PRPF31: variants seen among roughly 807,000 people sequenced by gnomAD.
The protein encoded by PRPF31 is pre-mRNA processing factor 31.
In PRPF31, 12 loss-of-function variants were observed where a neutral mutation model predicts 60.4. The observed-to-expected ratio is 0.20, with a 90% CI of 0.13 to 0.32. The LOEUF (loss-of-function observed/expected upper bound fraction) is 0.32, where lower values mean the gene tolerates loss of function less well. PRPF31 is among the 10% of genes least tolerant of loss of function. The pLI is 1.00. For synonymous variants in PRPF31, 287 were observed against 287.9 expected, an observed-to-expected ratio of 1.00 and a Z score of 0.03; for missense variants, 431 against 687.1, an observed-to-expected ratio of 0.63 and a Z score of 4.17.
rs1321866903 is a variant in PRPF31 at position 54,124,376 on chromosome 19, G to C, written c.698-123G>C. On this transcript the variant is annotated intron_variant, in intron 7 of 13. Transcript: ENST00000321030. ...TCGCCCGCCTGGCAGGGCCATCGAG[G>C]AATCCAACCAGAACTTCATGTAAAG... 92 of 963,974 alleles carry C rather than the reference G, an allele frequency of 9.5e-5. 1 individual carries two copies. In the South Asian group the frequency reaches 1.3e-3, roughly 13 times the overall value. The allele number at this position is 963,974 out of a possible 1,614,324, so 59.7% of individuals were successfully genotyped here.
intron 13 of PRPF31, among the ~76,000 whole-genome samples, chr19:54,129,869 C>G (rs979488218): frequency 6.6e-6 from 1 of 151,938 alleles, no homozygotes; most frequent in African/African-American, 2.4e-5. Flanking sequence ...GCCTGCACCA[C>G]GGAGGCGAGA....
chr19:54,121,116 AC>A (rs1190157490), intron 3 of PRPF31, among the ~76,000 whole-genome samples: 1 of 151,656 alleles, frequency 6.6e-6, no homozygotes, highest in Admixed American at 6.6e-5. Flanking sequence ...ACATGGTGAA[AC>A]CCCGTCTCTA....
At chr19:54,118,673 T>TCTC (rs1164249932) in intron 3 of PRPF31, 40 bp downstream of exon 3, 8 of 1,604,496 alleles carry the variant, frequency 5.0e-6, no homozygotes, top group Non-Finnish European at 6.8e-6. Flanking sequence ...ATCTCCTGTC[T>TCTC]CTCCTGCCAG....
chr19:54,120,392 G>A (rs1396800254), intron 3 of PRPF31: 3 of 152,238 alleles, frequency 2.0e-5, no homozygotes, highest in African/African-American at 7.2e-5. Flanking sequence ...GTGCACAAGT[G>A]CTGCGGGTAC....
In PRPF31 at chr19:54,122,629, G is replaced by T. The variant is rs745763860; in HGVS notation, c.420+35G>T. On this transcript the variant is annotated intron_variant, in intron 5 of 13. Coordinates refer to ENST00000321030, the MANE Select transcript of PRPF31 (RefSeq NM_015629.4). ...GAGAAGGTGGGGTGCTTCTGCTGGC[G>T]TGAAGGGGCAGGCGGGGCTCACTCT... 2.4e-5 allele frequency: 38 copies of T among 1,553,250 alleles called. 1 individual carries two copies. The highest frequency in any genetic ancestry group is 6.7e-5 in the East Asian group (3 of 44,590).
chr19:54,128,678 C>T (rs1320820930), intron 11 of PRPF31, among the ~76,000 whole-genome samples: 1 of 152,112 alleles, frequency 6.6e-6, no homozygotes, highest in Non-Finnish European at 1.5e-5. Context: ...ACGGCCGCCC[C>T]GTCCCTGGGC....
intron 7 of PRPF31, 195 bp from the exon 8 acceptor site, chr19:54,124,304 C>T: frequency 1.5e-6 from 1 of 659,610 alleles, no homozygotes. Context: ...CAGCTGCCCT[C>T]CCTCTCTGAG....
In PRPF31 at chr19:54,131,647, CCTTGT is replaced by C. The variant is rs1486545180; in HGVS notation, c.*219_*223del. ...TGGGCTAGAGCAGGTCTTCATCATG[CCTTGT>C]CTTTTTTAACTGAGAAAGGAGATTT... On this transcript the variant is annotated 3_prime_UTR_variant, in exon 14 of 14. Transcript: ENST00000321030. The C allele has an allele frequency of 3.1e-6, 2 of 646,618 alleles. No homozygotes were observed. The highest frequency in any genetic ancestry group is 1.8e-5 in the African/African-American group (1 of 54,594). The allele number at this position is 646,618 out of a possible 1,614,324, so 40.1% of individuals were successfully genotyped here. A position where few individuals can be genotyped will look rare whatever the true frequency, so the allele number is the denominator to read the frequency against.
At chr19:54,127,951 G>T in intron 9 of PRPF31, 122 bp from the exon 10 acceptor site, 1 of 1,350,090 alleles carries the variant, frequency 7.4e-7, no homozygotes. Context: ...GGGGGTGGCG[G>T]TGAGGCAGCA....
intron 11 of PRPF31, 22 bp from the exon 12 acceptor site, chr19:54,129,035 G>T: frequency 6.4e-7 from 1 of 1,562,410 alleles, no homozygotes; most frequent in East Asian, 2.3e-5. Context: ...CTGAACTGCA[G>T]GGCGCCTCCT....
intron 1 of PRPF31, among the ~76,000 whole-genome samples, chr19:54,116,551 G>C (rs2073645690): frequency 6.6e-6 from 1 of 152,208 alleles, no homozygotes; most frequent in African/African-American, 2.4e-5. Context: ...GCCTACCATG[G>C]TGTGGCCCTG....
intron 8 of PRPF31, 62 bp downstream of exon 8, chr19:54,124,718 C>T: frequency 1.3e-6 from 2 of 1,553,038 alleles, no homozygotes; most frequent in Non-Finnish European, 1.8e-6. Context: ...TGTGCCCAGA[C>T]AGCCTGAGCA....
intron 13 of PRPF31, 75 bp from the exon 14 acceptor site, chr19:54,131,232 T>TG (rs1441883335): frequency 1.3e-6 from 2 of 1,585,142 alleles, no homozygotes. Flanking sequence ...GGGAAGGGCC[T>TG]GGGGGGCTCT....
At chr19:54,120,140 G>C (rs2073751289) in intron 3 of PRPF31, 1 of 152,308 alleles carries the variant, frequency 6.6e-6, no homozygotes. Flanking sequence ...AAGGGAGAAG[G>C]GGGCCCAGGG....
intron 5 of PRPF31, chr19:54,123,184 G>A (rs1173875183): frequency 6.8e-6 from 4 of 584,154 alleles, no homozygotes; most frequent in African/African-American, 5.6e-5. Flanking sequence ...CAGGCCAGAG[G>A]CTTGTGAGGC....
chr19:54,125,064 A>T (rs2073886952), intron 8 of PRPF31: 1 of 327,034 alleles, frequency 3.1e-6, no homozygotes. Context: ...GAATCCACTG[A>T]GGGCTGCACA....
In PRPF31 at chr19:54,128,502, TCCC is replaced by T. The variant is rs35858995; in HGVS notation, c.1146+133_1146+135del. The T allele has an allele frequency of 6.1e-6, 5 of 814,584 alleles. No individual in the cohort carries two copies. The East Asian group carries it at 1.2e-4, about 19-fold the overall frequency. 50.5% of individuals were successfully genotyped at this position (814,584 alleles called of 1,614,324 possible). A position where few individuals can be genotyped will look rare whatever the true frequency, so the allele number is the denominator to read the frequency against. ...TCATGTCTAGGGCGCTGCCCCAGCC[TCCC>T]CCCCCCCGGCCTCTATTCTCGTTTC... On this transcript the variant is annotated intron_variant, in intron 11 of 13. Transcript: ENST00000321030.
chr19:54,123,699 A>G (rs761250482), intron 6 of PRPF31, 50 bp from the exon 7 acceptor site: 1 of 1,593,698 alleles, frequency 6.3e-7, no homozygotes, highest in African/African-American at 1.3e-5. Context: ...GGGGCTGGGC[A>G]CACCAGGCAG....
At chr19:54,121,788 C>G in intron 3 of PRPF31, 72 bp from the exon 4 acceptor site, 1 of 1,441,880 alleles carries the variant, frequency 6.9e-7, no homozygotes, top group Non-Finnish European at 9.5e-7. Flanking sequence ...CATCCTCCGC[C>G]TCCTCCAGCT....
Sources: gnomAD v4.1 joint callset for allele counts (sites outside exome capture counted in the v4.1 genomes callset) on GRCh38, gnomAD v4.1.1 for gene constraint, MANE v1.5 for transcripts, NCBI Gene and HGNC (gene_info 2026-07-23, HGNC 2026-07-21) for gene names.